KCNN2: variants seen among roughly 807,000 people sequenced by gnomAD.
KCNN2 encodes small conductance calcium-activated potassium channel protein 2.
Under a neutral mutation model 55.5 loss-of-function variants are expected in KCNN2, and 24 were observed. The ratio of observed to expected loss-of-function variants is 0.43; its 90% CI spans 0.31 to 0.61. The LOEUF (loss-of-function observed/expected upper bound fraction) is 0.61. Ranked by LOEUF, KCNN2 falls within the 20% of genes least tolerant of loss-of-function variation. The pLI is 0.08. For synonymous variants in KCNN2, 431 were observed against 336.1 expected (o/e 1.28, Z -3.09); for missense variants, 754 against 853.6 (o/e 0.88, Z 1.45).
At chr5:114,423,135 C>T (rs146703186) in intron 3 of KCNN2, among the ~76,000 whole-genome samples, 4 of 152,202 alleles carry the variant, frequency 2.6e-5, no homozygotes, top group African/African-American at 9.6e-5. Flanking sequence ...CACAGCTTGA[C>T]TCCTTGAGGG....
At chr5:114,061,379 GTTTACT>G (rs1219651713) in intron 1 of KCNN2, among the ~76,000 whole-genome samples, 2 of 152,116 alleles carry the variant, frequency 1.3e-5, no homozygotes, top group Admixed American at 6.6e-5. Flanking sequence ...TACAAATAAT[GTTTACT>G]TTTAATTATT....
intron 1 of KCNN2, among the ~76,000 whole-genome samples, chr5:114,198,522 A>G (rs371760393): frequency 1.3e-5 from 2 of 151,306 alleles, no homozygotes; most frequent in Admixed American, 1.3e-4. Context: ...TACACATTTA[A>G]GTTAATTCTG....
chr5:114,075,508 C>T (rs1273576233), intron 1 of KCNN2, among the ~76,000 whole-genome samples: 1 of 152,124 alleles, frequency 6.6e-6, no homozygotes. Context: ...ACTAAATTCA[C>T]CTTATTTACT....
chr5:114,353,517 G>A (rs1398816560), intron 2 of KCNN2, among the ~76,000 whole-genome samples: 1 of 151,712 alleles, frequency 6.6e-6, no homozygotes, highest in Non-Finnish European at 1.5e-5. Context: ...GTTTTTTATA[G>A]TTACCCACAT....
In KCNN2 at chr5:114,159,568, T is replaced by A. The variant is rs545595262; in HGVS notation, c.-270-61912T>A. On this transcript the variant is annotated intron_variant, in intron 1 of 10. Transcript: ENST00000512097. ...TTTTTCTATTGATTGGGATAGTTTC[T>A]GAAGGAATGGTACCAGTTCCTCCTT... Among the ~76,000 whole-genome samples the A allele has an allele frequency of 8.5e-5, 13 of 152,254 alleles. No individual in the cohort carries two copies. The East Asian group carries it at 2.1e-3, about 25-fold the overall frequency.
At chr5:114,181,088 A>T (rs1000240378) in intron 1 of KCNN2, among the ~76,000 whole-genome samples, 1 of 152,076 alleles carries the variant, frequency 6.6e-6, no homozygotes, top group Admixed American at 6.6e-5. Flanking sequence ...TGTTATGAAT[A>T]CTCTCATGCA....
intron 3 of KCNN2, among the ~76,000 whole-genome samples, chr5:114,406,803 C>T (rs1758950279): frequency 6.6e-6 from 1 of 152,006 alleles, no homozygotes; most frequent in African/African-American, 2.4e-5. Context: ...CCTCTTTCTT[C>T]GTTCTTTATT....
intron 2 of KCNN2, among the ~76,000 whole-genome samples, chr5:114,227,557 A>G (rs989421319): frequency 2.6e-5 from 4 of 152,120 alleles, no homozygotes; most frequent in Non-Finnish European, 5.9e-5. Context: ...ATGTCTGTTC[A>G]TTTTTCTGTC....
At chr5:114,135,888 G>A (rs1010687956) in intron 1 of KCNN2, among the ~76,000 whole-genome samples, 10 of 152,074 alleles carry the variant, frequency 6.6e-5, no homozygotes, top group African/African-American at 1.4e-4. Flanking sequence ...TAATATATAC[G>A]TGTGGAAAAT....
At chr5:114,492,229 A>G (rs1258923469) in intron 6 of KCNN2, among the ~76,000 whole-genome samples, 1 of 152,146 alleles carries the variant, frequency 6.6e-6, no homozygotes, top group Non-Finnish European at 1.5e-5. Flanking sequence ...GAACATTATG[A>G]ACGTATTACA....
At chr5:114,434,005 A>G (rs1285796978) in intron 3 of KCNN2, 1 of 152,172 alleles carries the variant, frequency 6.6e-6, no homozygotes, top group Non-Finnish European at 1.5e-5. Flanking sequence ...TAAAGTGATT[A>G]TTAGTATAGT....
chr5:114,126,471 T>C (rs1751932444), intron 1 of KCNN2, among the ~76,000 whole-genome samples: 1 of 152,066 alleles, frequency 6.6e-6, no homozygotes, highest in Non-Finnish European at 1.5e-5. Flanking sequence ...TCATCAGATC[T>C]TGTGAGAACT....
At chr5:114,454,716 C>T (rs1406540980) in intron 3 of KCNN2, among the ~76,000 whole-genome samples, 4 of 152,180 alleles carry the variant, frequency 2.6e-5, no homozygotes, top group Admixed American at 2.6e-4. Flanking sequence ...ATGAACCTAT[C>T]TCCTGTGAGT....
chr5:114,076,363 C>G (rs1450844634), intron 1 of KCNN2, among the ~76,000 whole-genome samples: 3 of 152,092 alleles, frequency 2.0e-5, no homozygotes, highest in Non-Finnish European at 4.4e-5. Flanking sequence ...GGGATCTCTG[C>G]TATGCCCTAA....
rs779338302 is a variant in KCNN2, at chr5:114,493,457, G to A, written c.2073G>A (p.Leu691=). 4.3e-6 allele frequency: 7 copies of A among 1,610,360 alleles called. No homozygotes were observed. Among genetic ancestry groups the A allele is most frequent in the African/African-American group, 4.0e-5 (3 of 74,810 alleles). The change falls in exon 7 of 8, where the codon TTG becomes TTA. Residue 691 remains leucine, a synonymous_variant. Coordinates refer to ENST00000673685, the MANE Select transcript of KCNN2 (RefSeq NM_021614.4). ...QRKLNDQANT[L]VDLAKTQNIM... is the part of the protein sequence containing the mutation. ...AACTGAATGACCAAGCAAACACTTT[G>A]GTGGACTTGGCAAAGGTAAGCCTGA...
intron 2 of KCNN2, among the ~76,000 whole-genome samples, chr5:114,377,192 T>C (rs1454715656): frequency 1.3e-5 from 2 of 152,218 alleles, no homozygotes; most frequent in Non-Finnish European, 2.9e-5. Context: ...CACCACTGGC[T>C]GTGTGTACAT....
intron 2 of KCNN2, among the ~76,000 whole-genome samples, chr5:114,309,823 G>A (rs577343992): frequency 6.6e-6 from 1 of 152,230 alleles, no homozygotes; most frequent in South Asian, 2.1e-4. Context: ...AACAGGTACA[G>A]GTGTGACATT....
intron 1 of KCNN2, among the ~76,000 whole-genome samples, chr5:114,219,315 G>A (rs1432952640): frequency 6.6e-6 from 1 of 152,204 alleles, no homozygotes; most frequent in African/African-American, 2.4e-5. Context: ...ACAGCCTTTT[G>A]TATCTGCACT....
Position 114,496,308 on chromosome 5 carries a change from C to CCTGAACA in KCNN2, c.*129_*135dup. 1 of 1,053,072 alleles carries CCTGAACA rather than the reference C, an allele frequency of 9.5e-7. No individual in the cohort carries two copies. The highest frequency in any genetic ancestry group is 1.3e-6 in the Non-Finnish European group (1 of 746,516). The allele number at this position is 1,053,072 out of a possible 1,614,324, so 65.2% of individuals were successfully genotyped here. A position where few individuals can be genotyped will look rare whatever the true frequency, so the allele number is the denominator to read the frequency against. On this transcript the variant is annotated 3_prime_UTR_variant, in exon 8 of 8. Transcript: ENST00000673685. The stretch of plus-strand genomic sequence containing the variant: ...GGTTCTGATGTCAGAATCCTGGGAA[C>CCTGAACA]CTGAACACTAAGTTTTAGGCCAAAA...
Sources: gnomAD v4.1 joint callset for allele counts (sites outside exome capture counted in the v4.1 genomes callset) on GRCh38, gnomAD v4.1.1 for gene constraint, MANE v1.5 for transcripts, NCBI Gene and HGNC (gene_info 2026-07-23, HGNC 2026-07-21) for gene names.